SHISA9: variants seen among roughly 807,000 people sequenced by gnomAD.
The protein encoded by SHISA9 is protein shisa-9.
A neutral mutation model predicts 38.0 loss-of-function variants in SHISA9; 13 were observed. The observed-to-expected ratio is 0.34, with a 90% CI of 0.22 to 0.54. The LOEUF (loss-of-function observed/expected upper bound fraction) is 0.54, where lower values mean the gene tolerates loss of function less well. SHISA9 is among the 20% of genes least tolerant of loss of function. The pLI, the probability that SHISA9 is intolerant of heterozygous loss-of-function variation, is 0.91. For missense variants in SHISA9, 538 were observed against 575.8 expected (o/e 0.93, Z 0.67); for synonymous variants, 275 against 242.0 (o/e 1.14, Z -1.27).
At chr16:13,112,570 C>G (rs973820594) in intron 2 of SHISA9, among the ~76,000 whole-genome samples, 2 of 152,022 alleles carry the variant, frequency 1.3e-5, no homozygotes, top group African/African-American at 4.8e-5. Context: ...CAATTCTGAG[C>G]AAACAAACTC....
At chr16:13,550,995 T>A in the SHISA9 span, among the ~76,000 whole-genome samples, 3 of 152,078 alleles carry the variant, frequency 2.0e-5, no homozygotes, top group East Asian at 1.9e-4. Flanking sequence ...TGTTGGTGGG[T>A]GCCTGTAATC....
At chr16:13,389,492 C>A in the SHISA9 span, among the ~76,000 whole-genome samples, 3 of 152,154 alleles carry the variant, frequency 2.0e-5, no homozygotes, top group African/African-American at 4.8e-5. Context: ...TTATGCTGTA[C>A]ATCTTAAATA....
chr16:13,454,271 A>T, the SHISA9 span, among the ~76,000 whole-genome samples: 1 of 152,168 alleles, frequency 6.6e-6, no homozygotes, highest in Non-Finnish European at 1.5e-5. Context: ...TGTCAATGTA[A>T]ATTATTAAGG....
intron 2 of SHISA9, among the ~76,000 whole-genome samples, chr16:13,034,528 G>A (rs531373333): frequency 6.6e-6 from 1 of 152,252 alleles, no homozygotes; most frequent in South Asian, 2.1e-4. Context: ...TTATTTTTGG[G>A]GGGCCACTTG....
intron 2 of SHISA9, among the ~76,000 whole-genome samples, chr16:13,115,693 AG>A (rs780362529): frequency 5.3e-5 from 8 of 152,200 alleles, no homozygotes; most frequent in Admixed American, 1.3e-4. Context: ...CGTATGCCCC[AG>A]GCACCAAATA....
chr16:13,399,217 A>T, the SHISA9 span, among the ~76,000 whole-genome samples: 1 of 151,796 alleles, frequency 6.6e-6, no homozygotes, highest in Non-Finnish European at 1.5e-5. Context: ...ACACCACTGC[A>T]CTCCAGCCTG....
chr16:13,363,728 G>A, the SHISA9 span, among the ~76,000 whole-genome samples: 34 of 152,280 alleles, frequency 2.2e-4, no homozygotes, highest in South Asian at 5.6e-3. Flanking sequence ...CTAGCACAGC[G>A]CTGGCTTCAG....
At chr16:13,256,621 T>C in the SHISA9 span, among the ~76,000 whole-genome samples, 72 of 152,280 alleles carry the variant, frequency 4.7e-4, no homozygotes, top group African/African-American at 1.6e-3. Context: ...TCTTTCTCCC[T>C]ACTAGACTGG....
In SHISA9 at chr16:13,011,180, C is replaced by G. The variant is rs571148018; in HGVS notation, c.691+94365C>G. On this transcript the variant is annotated intron_variant, in intron 2 of 4. Transcript: ENST00000558583. ...TGATGATTTTAGACAGTGAACCTTTCTTTTATTTTATTTCTTAAAAATAAA... is the reference window on the plus strand; with the variant it reads ...TGATGATTTTAGACAGTGAACCTTTGTTTTATTTTATTTCTTAAAAATAAA... 4.5e-4 allele frequency among the ~76,000 whole-genome samples: 69 copies of G among 152,116 alleles called. No individual in the cohort carries two copies. In the South Asian group the frequency reaches 0.011, roughly 24 times the overall value.
the SHISA9 span, chr16:13,258,282 GT>G: frequency 7.2e-5 from 11 of 152,142 alleles, no homozygotes; most frequent in Non-Finnish European, 1.3e-4. Context: ...CTATGTTTGG[GT>G]ATGGTCACAG....
the SHISA9 span, among the ~76,000 whole-genome samples, chr16:13,285,916 C>T: frequency 6.6e-6 from 1 of 152,012 alleles, no homozygotes; most frequent in African/African-American, 2.4e-5. Context: ...TTATCTTCTA[C>T]CATTTTAGTC....
intron 2 of SHISA9, among the ~76,000 whole-genome samples, chr16:12,938,664 ATTTTT>A (rs572068246): frequency 4.1e-4 from 61 of 149,550 alleles, no homozygotes; most frequent in Admixed American, 1.7e-3. Context: ...CGCCCAGCTA[ATTTTT>A]TTTTTGTATT....
At chr16:13,511,080 A>G in the SHISA9 span, among the ~76,000 whole-genome samples, 121 of 152,350 alleles carry the variant, frequency 7.9e-4, no homozygotes, top group East Asian at 0.018. Flanking sequence ...TTGGCTAAAG[A>G]CCAAATATGA....
the SHISA9 span, among the ~76,000 whole-genome samples, chr16:13,247,351 C>A: frequency 6.6e-6 from 1 of 152,196 alleles, no homozygotes; most frequent in Admixed American, 6.5e-5. Flanking sequence ...CTACTCTATG[C>A]TAGGACCTTT....
the SHISA9 span, among the ~76,000 whole-genome samples, chr16:13,362,952 AATAAT>A: frequency 1.3e-5 from 2 of 152,352 alleles, no homozygotes; most frequent in Admixed American, 1.3e-4. Context: ...GATGCCAACT[AATAAT>A]ATAATTAAGG....
At chr16:13,452,111 T>C in the SHISA9 span, among the ~76,000 whole-genome samples, 1 of 152,212 alleles carries the variant, frequency 6.6e-6, no homozygotes, top group Non-Finnish European at 1.5e-5. Flanking sequence ...TTCTCCAGTG[T>C]CTATGGCAAC....
the SHISA9 span, among the ~76,000 whole-genome samples, chr16:13,315,972 T>C: frequency 6.6e-6 from 1 of 151,678 alleles, no homozygotes; most frequent in Non-Finnish European, 1.5e-5. Flanking sequence ...ATTGCATTTG[T>C]AGGTTAGAGT....
chr16:12,928,898 T>C (rs1034720706), intron 2 of SHISA9, among the ~76,000 whole-genome samples: 3 of 152,242 alleles, frequency 2.0e-5, no homozygotes, highest in Admixed American at 2.0e-4. Context: ...TTAAACAAAC[T>C]GTTTCTTGTG....
chr16:13,534,386 G>A, the SHISA9 span, among the ~76,000 whole-genome samples: 274 of 151,928 alleles, frequency 1.8e-3, 1 homozygote, highest in African/African-American at 6.2e-3. Context: ...CACCATACCT[G>A]GCTAATTTTT....
Sources: gnomAD v4.1 joint callset for allele counts (sites outside exome capture counted in the v4.1 genomes callset) on GRCh38, gnomAD v4.1.1 for gene constraint, MANE v1.5 for transcripts, NCBI Gene and HGNC (gene_info 2026-07-23, HGNC 2026-07-21) for gene names.